The following ELOVL6 variants were observed in gnomAD, a reference collection of about 807,000 sequenced individuals.
ELOVL6 encodes the protein ELOVL fatty acid elongase 6.
A neutral mutation model predicts 31.7 loss-of-function variants in ELOVL6; 8 were observed. The ratio of observed to expected loss-of-function variants is 0.25; its 90% CI spans 0.15 to 0.45. ELOVL6 has a LOEUF of 0.45. Ranked by LOEUF, ELOVL6 falls within the 20% of genes least tolerant of loss-of-function variation. The pLI is 1.00. For synonymous variants in ELOVL6, 101 were observed against 117.7 expected, an observed-to-expected ratio of 0.86 and a Z score of 0.92; for missense variants, 126 against 326.4, an observed-to-expected ratio of 0.39 and a Z score of 4.73.
chr4:110,125,266 T>C (rs1044106558), intron 1 of ELOVL6, among the ~76,000 whole-genome samples: 2 of 152,156 alleles, frequency 1.3e-5, no homozygotes, highest in Non-Finnish European at 2.9e-5. Flanking sequence ...CTGATCTCAA[T>C]TTTAGGAAAC....
chr4:110,172,127 A>G (rs1019121871), intron 1 of ELOVL6, among the ~76,000 whole-genome samples: 2 of 152,180 alleles, frequency 1.3e-5, no homozygotes, highest in African/African-American at 4.8e-5. Context: ...AGACCCAGAC[A>G]TGTGACTCTT....
chr4:110,068,014 A>G (rs1755356473), intron 2 of ELOVL6, among the ~76,000 whole-genome samples: 1 of 152,234 alleles, frequency 6.6e-6, no homozygotes, highest in Non-Finnish European at 1.5e-5. Flanking sequence ...GAGATCTGAC[A>G]TGCTAGCTGG....
intron 1 of ELOVL6, among the ~76,000 whole-genome samples, chr4:110,160,572 C>A (rs1758604559): frequency 6.6e-6 from 1 of 152,198 alleles, no homozygotes; most frequent in Non-Finnish European, 1.5e-5. Flanking sequence ...CAACACCAGT[C>A]TCATGGTGGT....
intron 1 of ELOVL6, among the ~76,000 whole-genome samples, chr4:110,154,839 T>C (rs951251089): frequency 1.3e-5 from 2 of 152,170 alleles, no homozygotes; most frequent in African/African-American, 2.4e-5. Context: ...TATCTCTTAT[T>C]TGTAATTAAC....
intron 2 of ELOVL6, among the ~76,000 whole-genome samples, chr4:110,083,498 G>A (rs1755947802): frequency 6.6e-6 from 1 of 151,534 alleles, no homozygotes; most frequent in East Asian, 1.9e-4. Flanking sequence ...TTTAACAGGT[G>A]GGCATGGACT....
intron 2 of ELOVL6, among the ~76,000 whole-genome samples, chr4:110,084,606 TTTTTTTG>T (rs1560816101): frequency 2.0e-5 from 2 of 97,800 alleles, no homozygotes; most frequent in African/African-American, 4.7e-5. Context: ...TTTTTTTTTT[TTTTTTTG>T]AGATGGAGTC....
In ELOVL6 at chr4:110,113,052, G is replaced by A. The variant is rs1416200793; in HGVS notation, c.90-7424C>T. 5.3e-5 allele frequency among the ~76,000 whole-genome samples: 8 copies of A among 151,362 alleles called. No individual in the cohort carries two copies. In the East Asian group the frequency reaches 5.9e-4, roughly 11 times the overall value. ...ATCCTGGCTAACACGGTGAAACCCC[G>A]TCTCTACTAAAAAAATACAAAAAAA... On this transcript the variant is annotated intron_variant, in intron 1 of 3. Transcript: ENST00000302274.
chr4:110,149,848 C>A (rs1341195324), intron 1 of ELOVL6, among the ~76,000 whole-genome samples: 1 of 152,122 alleles, frequency 6.6e-6, no homozygotes, highest in Non-Finnish European at 1.5e-5. Flanking sequence ...ATGTTGTAAG[C>A]ACCCCAAAAA....
At position 110,127,177 on chromosome 4, in the gene ELOVL6, G is replaced by T. The variant is rs1757522332; in HGVS notation, c.90-21549C>A. ...TAATCCCAGCACTTTGGGAGGCCGA[G>T]ATGGTTGGATCACAAGGTCAGGAGT... On this transcript the variant is annotated intron_variant, in intron 1 of 3. Transcript: ENST00000302274. 4.6e-5 allele frequency among the ~76,000 whole-genome samples: 7 copies of T among 152,172 alleles called. No homozygotes were observed. In the South Asian group the frequency reaches 1.5e-3, roughly 32 times the overall value.
intron 1 of ELOVL6, among the ~76,000 whole-genome samples, chr4:110,189,918 G>C (rs867248449): frequency 2.7e-5 from 4 of 149,956 alleles, no homozygotes; most frequent in Non-Finnish European, 5.9e-5. Context: ...ACTGAGCCGA[G>C]ATCATGCCAC....
intron 1 of ELOVL6, among the ~76,000 whole-genome samples, chr4:110,192,907 A>G (rs1759664682): frequency 6.6e-6 from 1 of 152,212 alleles, no homozygotes; most frequent in Non-Finnish European, 1.5e-5. Context: ...ATAAACAGCA[A>G]GTGACATGAG....
chr4:110,142,012 C>T (rs1373855728), intron 1 of ELOVL6, among the ~76,000 whole-genome samples: 1 of 149,374 alleles, frequency 6.7e-6, no homozygotes, highest in Non-Finnish European at 1.5e-5. Flanking sequence ...TCATTTGTTT[C>T]TGGGATCTTT....
intron 1 of ELOVL6, among the ~76,000 whole-genome samples, chr4:110,185,482 T>A (rs1759410363): frequency 1.3e-5 from 2 of 151,884 alleles, no homozygotes; most frequent in African/African-American, 4.8e-5. Context: ...TTTTAGCAAG[T>A]TTTAATAAAT....
chr4:110,076,510 G>A (rs1755635327), intron 2 of ELOVL6, among the ~76,000 whole-genome samples: 1 of 152,094 alleles, frequency 6.6e-6, no homozygotes. Flanking sequence ...AATGGTCCTA[G>A]GACACTTGCT....
chr4:110,062,944 G>A (rs900994848), intron 2 of ELOVL6, among the ~76,000 whole-genome samples: 1 of 152,178 alleles, frequency 6.6e-6, no homozygotes, highest in African/African-American at 2.4e-5. Flanking sequence ...AGCAATATAA[G>A]TAAGGTATTT....
At chr4:110,108,135 C>G (rs974505673) in intron 1 of ELOVL6, among the ~76,000 whole-genome samples, 1 of 152,160 alleles carries the variant, frequency 6.6e-6, no homozygotes, top group African/African-American at 2.4e-5. Flanking sequence ...GTCATATTTT[C>G]TGAGCCTGGG....
intron 1 of ELOVL6, among the ~76,000 whole-genome samples, chr4:110,196,040 G>A (rs1759766493): frequency 6.6e-6 from 1 of 152,210 alleles, no homozygotes; most frequent in Non-Finnish European, 1.5e-5. Context: ...GCTGAGACCT[G>A]TCTGGCTCAG....
At chr4:110,113,492 A>G (rs1433879653) in intron 1 of ELOVL6, among the ~76,000 whole-genome samples, 3 of 150,480 alleles carry the variant, frequency 2.0e-5, no homozygotes, top group Non-Finnish European at 4.4e-5. Context: ...CTAGGGTGGG[A>G]GGACTGAGCC....
rs1334196072 is a variant in ELOVL6, at chr4:110,046,741, C to T, written c.*4597G>A. On this transcript the variant is annotated 3_prime_UTR_variant, in exon 4 of 4. Transcript: ENST00000302274. ...AGCATTCAAGAAAATGCTGTGACTG[C>T]ACTGACACTTGTTTTGTGTAAGTCT... 6.6e-6 allele frequency: 1 copy of T among 152,220 alleles called. No homozygotes were observed. Among genetic ancestry groups the T allele is most frequent in the African/African-American group, 2.4e-5 (1 of 41,454 alleles). The allele number at this position is 152,220 out of a possible 1,614,324, so 9.4% of individuals were successfully genotyped here.
Sources: allele counts gnomAD v4.1 joint callset (sites outside exome capture counted in the v4.1 genomes callset), GRCh38; gene constraint gnomAD v4.1.1; transcripts MANE v1.5; gene names NCBI Gene and HGNC (gene_info 2026-07-23, HGNC 2026-07-21).